HYDIN: variants seen among roughly 807,000 people sequenced by gnomAD.
HYDIN encodes the protein HYDIN axonemal central pair apparatus protein, also known as axonemal central pair apparatus protein HYDIN.
HYDIN carries 132 observed loss-of-function variants against 403.9 expected under a neutral mutation model. The observed-to-expected ratio is 0.33, with a 90% CI of 0.28 to 0.38. HYDIN has a LOEUF of 0.38. Among genes scored for constraint, HYDIN ranks in the 10% least tolerant of loss-of-function variants. The pLI is 1.00. For missense variants in HYDIN, 2,827 were observed against 5,009.5 expected (o/e 0.56, Z 13.15); for synonymous variants, 1,202 against 1,891.7 (o/e 0.64, Z 9.46).
chr16:71,054,342 G>A (rs536026110), intron 18 of HYDIN, among the ~76,000 whole-genome samples: 5 of 126,502 alleles, frequency 4.0e-5, no homozygotes, highest in Non-Finnish European at 5.7e-5. Flanking sequence ...TTAGAGGGCA[G>A]AGCTAATCTA....
Position 70,984,696 on chromosome 16 carries a change from T to C in HYDIN, c.4332+489A>G, listed in dbSNP as rs531966000. On this transcript the variant is annotated intron_variant, in intron 28 of 85. Coordinates refer to ENST00000393567, the MANE Select transcript of HYDIN (RefSeq NM_001270974.2). ...AAATATTTTCCTTTTTTAATAACAA[T>C]TATGTGCTATTTTCATAATGAGAAA... Among the ~76,000 whole-genome samples the C allele has an allele frequency of 3.2e-4, 42 of 131,320 alleles. 1 individual carries two copies. Among genetic ancestry groups the C allele is most frequent in the African/African-American group, 1.4e-3 (40 of 29,330 alleles). The allele number at this position is 131,320 out of a possible 152,430, so 86.2% of individuals were successfully genotyped here.
At chr16:71,123,790 T>A (rs2084346791) in intron 9 of HYDIN, among the ~76,000 whole-genome samples, 1 of 149,992 alleles carries the variant, frequency 6.7e-6, no homozygotes, top group African/African-American at 2.5e-5. Context: ...ATAAGTCTCA[T>A]GAGATCTGAT....
chr16:70,830,491 T>C (rs942147752), intron 80 of HYDIN, among the ~76,000 whole-genome samples: 3 of 143,760 alleles, frequency 2.1e-5, no homozygotes, highest in African/African-American at 8.3e-5. Flanking sequence ...CTTACGAGTA[T>C]TTTGAGTAGA....
chr16:71,019,468 C>G (rs1270166768), intron 22 of HYDIN, among the ~76,000 whole-genome samples: 4 of 152,308 alleles, frequency 2.6e-5, no homozygotes, highest in African/African-American at 9.6e-5. Flanking sequence ...CTAATCCCAG[C>G]TGAAAGCCAG....
At chr16:70,854,407 G>T (rs1263810100) in intron 73 of HYDIN, among the ~76,000 whole-genome samples, 1 of 149,158 alleles carries the variant, frequency 6.7e-6, no homozygotes, top group African/African-American at 2.5e-5. Flanking sequence ...GCTAATTATT[G>T]TATTTATTTA....
At chr16:70,957,620 C>T (rs574273710) in intron 39 of HYDIN, among the ~76,000 whole-genome samples, 59 of 151,314 alleles carry the variant, frequency 3.9e-4, no homozygotes, top group Admixed American at 3.4e-3. Flanking sequence ...CCACCACACC[C>T]TGTCCATTTC....
chr16:71,201,340 T>C (rs1222351330), intron 1 of HYDIN, among the ~76,000 whole-genome samples: 4 of 152,188 alleles, frequency 2.6e-5, no homozygotes, highest in Non-Finnish European at 4.4e-5. Context: ...TTCATTACAT[T>C]TTCCTTCTCA....
In HYDIN at chr16:70,803,610, A is replaced by G. The variant is rs1292551408; in HGVS notation, c.*3970T>C. Among the ~76,000 whole-genome samples the G allele has an allele frequency of 1.3e-5, 2 of 152,246 alleles. No homozygotes were observed. The highest frequency in any genetic ancestry group is 3.8e-4 in the East Asian group (2 of 5,204). ...ACAAGTATGTAAAAGTTATGACATA[A>G]CTTGTAGCAAGAGGCTGCTGATGAC... is the stretch of plus-strand genomic sequence containing the variant. On this transcript the variant is annotated 3_prime_UTR_variant, in exon 86 of 86. Coordinates refer to ENST00000393567, the MANE Select transcript of HYDIN (RefSeq NM_001270974.2).
chr16:70,946,715 T>C (rs7196604), intron 41 of HYDIN, among the ~76,000 whole-genome samples: 6,002 of 152,216 alleles, frequency 0.039, 424 homozygotes, highest in African/African-American at 0.14. Context: ...AGAAGATGGC[T>C]GTGGGAAAGC....
At chr16:70,996,908 T>C (rs1314105368) in intron 23 of HYDIN, among the ~76,000 whole-genome samples, 6 of 151,360 alleles carry the variant, frequency 4.0e-5, no homozygotes, top group African/African-American at 1.5e-4. Flanking sequence ...ACACTTATTG[T>C]GCACTTTATT....
rs369360268 is a variant in HYDIN at position 70,849,295 on chromosome 16, T to A, written c.12873+431A>T. 8.6e-3 allele frequency among the ~76,000 whole-genome samples: 1,315 copies of A among 152,174 alleles called. 8 individuals are homozygous for A. The highest frequency in any genetic ancestry group is 0.015 in the Admixed American group (227 of 15,268). On this transcript the variant is annotated intron_variant, in intron 75 of 85. Transcript: ENST00000393567. The stretch of plus-strand genomic sequence containing the variant: ...ACTCCGAGAATTGTTGCAAGCCTAT[T>A]ATTAATTTTCAGAGTTCTGAAAAAG...
chr16:71,163,335 G>A (rs1490611040), intron 5 of HYDIN, among the ~76,000 whole-genome samples: 2 of 151,966 alleles, frequency 1.3e-5, no homozygotes, highest in African/African-American at 2.4e-5. Context: ...TGTTAGCCAG[G>A]ATGGGTCTTG....
intron 23 of HYDIN, among the ~76,000 whole-genome samples, chr16:70,997,916 T>C (rs2079582124): frequency 6.6e-6 from 1 of 150,740 alleles, no homozygotes; most frequent in South Asian, 2.1e-4. Context: ...ATCTGTCCAA[T>C]TCCAGTAAGC....
At chr16:70,836,228 G>A (rs1467636274) in intron 77 of HYDIN, among the ~76,000 whole-genome samples, 1 of 152,180 alleles carries the variant, frequency 6.6e-6, no homozygotes, top group Admixed American at 6.5e-5. Context: ...CCTAAGGCAG[G>A]GAGACAACCT....
At chr16:70,921,352 G>A (rs2076990347) in intron 45 of HYDIN, 135 bp from the exon 46 acceptor site, 2 of 722,644 alleles carry the variant, frequency 2.8e-6, no homozygotes, top group South Asian at 1.9e-5. Context: ...GCACGCTAAG[G>A]TTGTGCCTGG....
chr16:70,977,961 G>A (rs1295629791), intron 30 of HYDIN, among the ~76,000 whole-genome samples: 1 of 151,616 alleles, frequency 6.6e-6, no homozygotes, highest in Admixed American at 6.6e-5. Context: ...CCCATTTCCT[G>A]TGATTGCAAT....
intron 18 of HYDIN, among the ~76,000 whole-genome samples, chr16:71,035,642 G>A (rs1414062496): frequency 6.6e-6 from 1 of 150,810 alleles, no homozygotes. Flanking sequence ...TATTATTTTA[G>A]ATAAGTTTAT....
chr16:70,961,354 A>G (rs1166852977), intron 38 of HYDIN, among the ~76,000 whole-genome samples: 1 of 152,060 alleles, frequency 6.6e-6, no homozygotes, highest in Non-Finnish European at 1.5e-5. Flanking sequence ...GATGAGGGCT[A>G]TGAATGATGA....
At chr16:71,209,916 C>T (rs769796663) in intron 1 of HYDIN, among the ~76,000 whole-genome samples, 1 of 152,174 alleles carries the variant, frequency 6.6e-6, no homozygotes, top group Non-Finnish European at 1.5e-5. Flanking sequence ...ATATTACATG[C>T]TCATGGGTAG....
Sources: gnomAD v4.1 joint callset for allele counts (sites outside exome capture counted in the v4.1 genomes callset) on GRCh38, gnomAD v4.1.1 for gene constraint, MANE v1.5 for transcripts, NCBI Gene and HGNC (gene_info 2026-07-23, HGNC 2026-07-21) for gene names.